Variants in SEMA7A observed in about 807,000 individuals in gnomAD.
SEMA7A encodes semaphorin-7A.
Under a neutral mutation model 67.5 loss-of-function variants are expected in SEMA7A, and 21 were observed. The observed-to-expected ratio is 0.31, with a 90% CI of 0.22 to 0.45. The LOEUF is 0.45. Among genes scored for constraint, SEMA7A ranks in the 20% least tolerant of loss-of-function variants. The pLI is 1.00. For synonymous variants in SEMA7A, 364 were observed against 368.5 expected (o/e 0.99, Z 0.14); for missense variants, 774 against 908.6 (o/e 0.85, Z 1.90).
intron 1 of SEMA7A, chr15:74,427,463 G>C (rs2061052685): frequency 1.2e-6 from 1 of 847,460 alleles, no homozygotes; most frequent in Non-Finnish European, 1.4e-6. Flanking sequence ...CAAGTAGCTG[G>C]GATTACAGGC....
intron 6 of SEMA7A, 45 bp downstream of exon 6, chr15:74,417,290 T>C (rs780327219): frequency 5.4e-6 from 8 of 1,480,416 alleles, no homozygotes; most frequent in African/African-American, 2.8e-5. Context: ...CCTTAAGTGC[T>C]CACACCCCCT....
At chr15:74,432,493 G>A (rs896221327) in intron 1 of SEMA7A, among the ~76,000 whole-genome samples, 6 of 152,206 alleles carry the variant, frequency 3.9e-5, no homozygotes, top group Admixed American at 6.5e-5. Flanking sequence ...TCCTGTGCCA[G>A]ATCAGAGCCC....
intron 1 of SEMA7A, among the ~76,000 whole-genome samples, chr15:74,420,833 T>C (rs1041663634): frequency 8.5e-5 from 13 of 152,166 alleles, no homozygotes; most frequent in African/African-American, 2.4e-4. Flanking sequence ...CATCCACCGA[T>C]AGCCAGACTG....
intron 10 of SEMA7A, among the ~76,000 whole-genome samples, chr15:74,412,739 T>C (rs1013159134): frequency 6.6e-6 from 1 of 152,166 alleles, no homozygotes; most frequent in African/African-American, 2.4e-5. Context: ...CAGACTTTAT[T>C]TGGATTTCAC....
chr15:74,416,810 CA>C, intron 6 of SEMA7A, 96 bp from the exon 7 acceptor site: 1 of 1,341,768 alleles, frequency 7.5e-7, no homozygotes, highest in Non-Finnish European at 1.0e-6. Flanking sequence ...CGGGTCTGCA[CA>C]AACCATGGCA....
rs867251185 is a variant in SEMA7A at position 74,425,574 on chromosome 15, A to G, written c.179-6622T>C. 3.3e-5 allele frequency among the ~76,000 whole-genome samples: 5 copies of G among 152,284 alleles called. No individual in the cohort carries two copies. In the Middle Eastern group the frequency reaches 0.01, roughly 311 times the overall value. On this transcript the variant is annotated intron_variant, in intron 1 of 13. Transcript: ENST00000261918. Reference sequence around the variant, plus strand: ...AGGCTACTTGGCTAATGAAGTCCTGACCTCTGCCCGTAACACCCTGAAGAC... The same window carrying G: ...AGGCTACTTGGCTAATGAAGTCCTGGCCTCTGCCCGTAACACCCTGAAGAC...
intron 1 of SEMA7A, among the ~76,000 whole-genome samples, chr15:74,422,882 C>G (rs1271579315): frequency 6.6e-6 from 1 of 152,242 alleles, no homozygotes; most frequent in Non-Finnish European, 1.5e-5. Flanking sequence ...TGTCCCCATA[C>G]TCTTGTTGTT....
rs747524816 is a variant in SEMA7A, at chr15:74,415,855, TC to T, written c.931del (p.Asp311ThrfsTer87). On this transcript the variant is annotated frameshift_variant, in exon 8 of 14. Transcript: ENST00000261918. LOFTEE classifies it high-confidence loss of function. ...GGTGTCCCTCCACTGGCCGCTGGGGTCAGGGAGCAGGAAGACGTCTTGCAGC... is the reference window on the plus strand; with the variant it reads ...GGTGTCCCTCCACTGGCCGCTGGGGTAGGGAGCAGGAAGACGTCTTGCAGC... ...NRLQDVFLLPDPSGQWRDTRV... is the reference protein window; with the variant it reads ...NRLQDVFLLPXPSGQWRDTRV... The T allele has an allele frequency of 6.2e-7, 1 of 1,613,722 alleles. No individual in the cohort carries two copies.
In SEMA7A at chr15:74,423,815, C is replaced by A. The variant is rs2061020149; in HGVS notation, c.179-4863G>T. On this transcript the variant is annotated intron_variant, in intron 1 of 13. Transcript: ENST00000261918. The surrounding 1 kb of genome is among the most constrained non-coding windows in gnomAD (Gnocchi z 4.1). Reference sequence around the variant, plus strand: ...ACAGGAACAAATGTTTCTGTCTCTCCTGATATGGCCAGGAAGAGGGTGTGA... The same window carrying A: ...ACAGGAACAAATGTTTCTGTCTCTCATGATATGGCCAGGAAGAGGGTGTGA... Among the ~76,000 whole-genome samples, 1 of 152,218 alleles carries A rather than the reference C, an allele frequency of 6.6e-6. No homozygotes were observed.
In SEMA7A at chr15:74,411,834, C is replaced by G. The variant is rs569384277; in HGVS notation, c.1422+51G>C. ...AAATCACATGCAAAGGAGCCCTGTCCTCAGCTGCAGTCACTGCATAGCCCA... is the reference window on the plus strand; with the variant it reads ...AAATCACATGCAAAGGAGCCCTGTCGTCAGCTGCAGTCACTGCATAGCCCA... On this transcript the variant is annotated intron_variant, in intron 11 of 13. Coordinates refer to ENST00000261918, the MANE Select transcript of SEMA7A (RefSeq NM_003612.5). The surrounding 1 kb of genome is among the most constrained non-coding windows in gnomAD (Gnocchi z 4.4). 3.1e-6 allele frequency: 5 copies of G among 1,609,008 alleles called. No individual in the cohort carries two copies. In the South Asian group the frequency reaches 3.3e-5, roughly 11 times the overall value.
At chr15:74,431,238 G>T (rs562173557) in intron 1 of SEMA7A, among the ~76,000 whole-genome samples, 82 of 152,288 alleles carry the variant, frequency 5.4e-4, no homozygotes, top group African/African-American at 1.9e-3. Flanking sequence ...AGCCTTTCTT[G>T]CTCTGGCAGG....
Position 74,411,791 on chromosome 15 carries a change from G to T in SEMA7A, c.1423-81C>A. ...AATGTCCAGGCCCTAAGGCCTAGAA[G>T]CTCTTAAAAGAACACACAAATCACA... On this transcript the variant is annotated intron_variant, in intron 11 of 13. Coordinates refer to ENST00000261918, the MANE Select transcript of SEMA7A (RefSeq NM_003612.5). The surrounding 1 kb of genome is among the most constrained non-coding windows in gnomAD (Gnocchi z 4.4). 1 of 1,602,216 alleles carries T rather than the reference G, an allele frequency of 6.2e-7. No homozygotes were observed.
At position 74,410,863 on chromosome 15, in the gene SEMA7A, C is replaced by G; in HGVS notation, c.1762G>C (p.Glu588Gln). 2 of 1,614,176 alleles carry G rather than the reference C, an allele frequency of 1.2e-6. No individual in the cohort carries two copies. The highest frequency in any genetic ancestry group is 1.7e-6 in the Non-Finnish European group (2 of 1,180,034). Residue 588 changes from glutamate (E) to glutamine (Q), a missense_variant, in exon 14 of 14, where the codon GAA becomes CAA. Glu to Gln is a conservative substitution (Grantham distance 29, BLOSUM62 2). Around this residue, in one of 2 missense-constraint regions of SEMA7A, gnomAD observed 427 missense variants for 555.4 expected, o/e 0.77. Coordinates refer to ENST00000261918, the MANE Select transcript of SEMA7A (RefSeq NM_003612.5). The surrounding 1 kb of genome is among the most constrained non-coding windows in gnomAD (Gnocchi z 7.5). ...RHKENVEQSC[E>Q]PGHQSPNCIL... ...CAGTTGGGGCTCTGGTGACCAGGTT[C>G]GCAGCTCTGCTCCACGTTCTCCTTG...
At chr15:74,431,853 G>A (rs2061091363) in intron 1 of SEMA7A, among the ~76,000 whole-genome samples, 2 of 152,194 alleles carry the variant, frequency 1.3e-5, no homozygotes, top group South Asian at 2.1e-4. Context: ...GGACAAGACT[G>A]GTGAACGGTT....
At chr15:74,430,686 C>T (rs962682720) in intron 1 of SEMA7A, among the ~76,000 whole-genome samples, 1 of 152,222 alleles carries the variant, frequency 6.6e-6, no homozygotes, top group African/African-American at 2.4e-5. Context: ...CCCTCTCCTC[C>T]GGGGAATTGC....
At position 74,423,645 on chromosome 15, in the gene SEMA7A, C is replaced by T. The variant is rs149161624; in HGVS notation, c.179-4693G>A. ...CCTGATAACTAAAGGGAATCACCCG[C>T]CCACCCACCTTCCAGGTGAGGCCCT... On this transcript the variant is annotated intron_variant, in intron 1 of 13. Transcript: ENST00000261918. The surrounding 1 kb of genome is among the most constrained non-coding windows in gnomAD (Gnocchi z 4.1). Among the ~76,000 whole-genome samples the T allele has an allele frequency of 5.9e-5, 9 of 152,338 alleles. No individual in the cohort carries two copies. Among genetic ancestry groups the T allele is most frequent in the African/African-American group, 2.2e-4 (9 of 41,580 alleles).
At chr15:74,421,681 T>C (rs796181918) in intron 1 of SEMA7A, among the ~76,000 whole-genome samples, 11 of 152,200 alleles carry the variant, frequency 7.2e-5, no homozygotes, top group Admixed American at 2.0e-4. Flanking sequence ...AAAGGCCTGA[T>C]TGTGCCCGGG....
chr15:74,432,324 C>T (rs975617139), intron 1 of SEMA7A, among the ~76,000 whole-genome samples: 10 of 152,134 alleles, frequency 6.6e-5, no homozygotes, highest in Non-Finnish European at 1.2e-4. Flanking sequence ...GGTGTGCAGG[C>T]CTCCTCCATG....
rs1417548342 is a variant in SEMA7A, at chr15:74,410,143, G to A, written c.*481C>T. On this transcript the variant is annotated 3_prime_UTR_variant, in exon 14 of 14. Coordinates refer to ENST00000261918, the MANE Select transcript of SEMA7A (RefSeq NM_003612.5). The surrounding 1 kb of genome is among the most constrained non-coding windows in gnomAD (Gnocchi z 7.5). ...CTGCAGAGGACAGGGCTGGACAGAG[G>A]GTAGCCCTGGGTCTTCAGGAACACC... is the stretch of plus-strand genomic sequence containing the variant. 6.3e-6 allele frequency: 1 copy of A among 159,252 alleles called. No individual in the cohort carries two copies. The highest frequency in any genetic ancestry group is 1.4e-5 in the Non-Finnish European group (1 of 73,146). 9.9% of individuals were successfully genotyped at this position (159,252 alleles called of 1,614,324 possible).
Sources: gnomAD v4.1 joint callset for allele counts (sites outside exome capture counted in the v4.1 genomes callset) on GRCh38, gnomAD v4.1.1 for gene constraint, gnomAD v4.1.1 regional missense constraint, Gnocchi (gnomAD v3.1) non-coding constraint, MANE v1.5 for transcripts, NCBI Gene and HGNC (gene_info 2026-07-23, HGNC 2026-07-21) for gene names.